Variants in TMEM135 observed in about 807,000 individuals in gnomAD.
The protein encoded by TMEM135 is transmembrane protein 135.
TMEM135 carries 30 observed loss-of-function variants against 60.3 expected under a neutral mutation model. The observed-to-expected ratio is 0.50, with a 90% confidence interval of 0.37 to 0.68. TMEM135 has a LOEUF of 0.68. Ranked by LOEUF, TMEM135 falls within the 30% of genes least tolerant of loss-of-function variation. The pLI, the probability that TMEM135 is intolerant of heterozygous loss-of-function variation, is 0.00. For missense variants in TMEM135, 468 were observed against 548.8 expected (o/e 0.85, Z 1.47); for synonymous variants, 190 against 186.7 (o/e 1.02, Z -0.14).
At chr11:87,200,305 A>G (rs1403552031) in intron 5 of TMEM135, among the ~76,000 whole-genome samples, 6 of 152,296 alleles carry the variant, frequency 3.9e-5, no homozygotes, top group South Asian at 2.1e-4. Flanking sequence ...ACCTAACTGT[A>G]TAATTGAATT....
In TMEM135 at chr11:87,326,857, G is replaced by C. The variant is rs1267742563; in HGVS notation, c.*5524G>C. 2.2e-6 allele frequency: 1 copy of C among 451,944 alleles called. No individual in the cohort carries two copies. Among genetic ancestry groups the C allele is most frequent in the Admixed American group, 2.4e-5 (1 of 42,290 alleles). 28.0% of individuals were successfully genotyped at this position (451,944 alleles called of 1,614,324 possible). ...CACTAAGGCTCTCTTCAGAACCAAAGGGCAGGATAAATAAATCTATGAAAC... is the reference window on the plus strand; with the variant it reads ...CACTAAGGCTCTCTTCAGAACCAAACGGCAGGATAAATAAATCTATGAAAC... On this transcript the variant is annotated 3_prime_UTR_variant, in exon 15 of 15. Coordinates refer to ENST00000305494, the MANE Select transcript of TMEM135 (RefSeq NM_022918.4).
intron 3 of TMEM135, among the ~76,000 whole-genome samples, chr11:87,090,188 A>G (rs935590143): frequency 6.6e-6 from 1 of 152,044 alleles, no homozygotes; most frequent in African/African-American, 2.4e-5. Context: ...GTTATATTTT[A>G]TATATTGGTG....
At chr11:87,240,911 A>G (rs11235028) in intron 6 of TMEM135, among the ~76,000 whole-genome samples, 16,457 of 148,714 alleles carry the variant, frequency 0.11, 1,597 homozygotes, top group African/African-American at 0.26. Flanking sequence ...CAGTTAATCT[A>G]TAGACTATAT....
chr11:87,220,712 C>G (rs150514888), intron 5 of TMEM135, among the ~76,000 whole-genome samples: 13 of 152,230 alleles, frequency 8.5e-5, no homozygotes, highest in African/African-American at 1.4e-4. Context: ...AGCTTGCTTT[C>G]TAACCTGTAA....
intron 4 of TMEM135, among the ~76,000 whole-genome samples, chr11:87,106,279 T>G (rs866887740): frequency 6.6e-5 from 10 of 152,016 alleles, no homozygotes; most frequent in Admixed American, 2.6e-4. Flanking sequence ...ACTTTTTGTA[T>G]TTTTAGTAGA....
At chr11:87,211,620 C>T (rs1035391887) in intron 5 of TMEM135, among the ~76,000 whole-genome samples, 2 of 152,134 alleles carry the variant, frequency 1.3e-5, no homozygotes, top group African/African-American at 4.8e-5. Context: ...AGAAAGAGAA[C>T]AGCAAAACAG....
At chr11:87,072,403 C>G (rs186642769) in intron 3 of TMEM135, among the ~76,000 whole-genome samples, 4 of 152,064 alleles carry the variant, frequency 2.6e-5, no homozygotes, top group African/African-American at 9.6e-5. Context: ...TTTTCTGAGC[C>G]AGAGTCTTGC....
At chr11:87,311,919 A>G (rs1169590565) in intron 10 of TMEM135, among the ~76,000 whole-genome samples, 1 of 151,806 alleles carries the variant, frequency 6.6e-6, no homozygotes, top group African/African-American at 2.4e-5. Context: ...ACTTTTCAAA[A>G]TTATTGTTTG....
At chr11:87,237,763 C>G (rs898627696) in intron 6 of TMEM135, among the ~76,000 whole-genome samples, 1 of 151,740 alleles carries the variant, frequency 6.6e-6, no homozygotes, top group Non-Finnish European at 1.5e-5. Context: ...AATAGTAGGT[C>G]TCATTCTTTC....
At chr11:87,091,588 C>T (rs1857205744) in intron 4 of TMEM135, among the ~76,000 whole-genome samples, 193 bp downstream of exon 4, 1 of 152,068 alleles carries the variant, frequency 6.6e-6, no homozygotes, top group African/African-American at 2.4e-5. Context: ...GATTGAATTT[C>T]ACTTATTTTA....
intron 6 of TMEM135, among the ~76,000 whole-genome samples, chr11:87,294,674 C>T (rs989840212): frequency 1.3e-4 from 20 of 152,244 alleles, no homozygotes; most frequent in Non-Finnish European, 2.6e-4. Context: ...TGAGCCACTA[C>T]ACCCGGCCTA....
chr11:87,256,040 C>G (rs1941522357), intron 6 of TMEM135, among the ~76,000 whole-genome samples: 1 of 152,122 alleles, frequency 6.6e-6, no homozygotes, highest in Non-Finnish European at 1.5e-5. Flanking sequence ...AAAACATTGA[C>G]CTCAAGACCT....
At chr11:87,145,517 A>G (rs1032627991) in intron 4 of TMEM135, among the ~76,000 whole-genome samples, 8 of 152,056 alleles carry the variant, frequency 5.3e-5, no homozygotes, top group Non-Finnish European at 1.2e-4. Context: ...ACTTTTTTCC[A>G]TAATGCCCGT....
At chr11:87,200,132 T>G (rs1940061613) in intron 5 of TMEM135, among the ~76,000 whole-genome samples, 1 of 152,184 alleles carries the variant, frequency 6.6e-6, no homozygotes. Flanking sequence ...CACTCAATAA[T>G]TATAGTCTTA....
At chr11:87,120,537 T>G (rs1858027495) in intron 4 of TMEM135, among the ~76,000 whole-genome samples, 1 of 140,710 alleles carries the variant, frequency 7.1e-6, no homozygotes. Context: ...AGTGGTATGA[T>G]CTCGGCTCAC....
At chr11:87,104,502 T>C (rs1857544464) in intron 4 of TMEM135, among the ~76,000 whole-genome samples, 1 of 152,194 alleles carries the variant, frequency 6.6e-6, no homozygotes, top group Non-Finnish European at 1.5e-5. Context: ...AGGATTGCAT[T>C]GAATCTATAG....
chr11:87,069,054 A>G (rs896779317), intron 2 of TMEM135, among the ~76,000 whole-genome samples: 5 of 125,860 alleles, frequency 4.0e-5, no homozygotes, highest in Admixed American at 8.6e-5. Flanking sequence ...CTGTAATCCT[A>G]GCACTTTGGA....
chr11:87,081,956 T>A (rs1016624781), intron 3 of TMEM135, among the ~76,000 whole-genome samples: 2 of 152,208 alleles, frequency 1.3e-5, no homozygotes, highest in Non-Finnish European at 2.9e-5. Flanking sequence ...GAACTCTTTG[T>A]GTATGTGTTG....
At chr11:87,305,033 A>G (rs2135442853) in intron 8 of TMEM135, among the ~76,000 whole-genome samples, 1 of 152,356 alleles carries the variant, frequency 6.6e-6, no homozygotes, top group South Asian at 2.1e-4. Flanking sequence ...CAATTAAATC[A>G]CAAATTAGCT....
Sources: allele counts gnomAD v4.1 joint callset (sites outside exome capture counted in the v4.1 genomes callset), GRCh38; gene constraint gnomAD v4.1.1; transcripts MANE v1.5; gene names NCBI Gene and HGNC (gene_info 2026-07-23, HGNC 2026-07-21).